The following CACNA1B variants were observed in gnomAD, a reference collection of about 807,000 sequenced individuals.
CACNA1B encodes the protein calcium voltage-gated channel subunit alpha1 B.
Under a neutral mutation model 247.2 loss-of-function variants are expected in CACNA1B, and 70 were observed. The ratio of observed to expected loss-of-function variants is 0.28; its 90% CI spans 0.23 to 0.35. The LOEUF is 0.35. Ranked by LOEUF, CACNA1B falls within the 10% of genes least tolerant of loss-of-function variation. The pLI, the probability that CACNA1B is intolerant of heterozygous loss-of-function variation, is 1.00. For synonymous variants in CACNA1B, 1,231 were observed against 1,294.4 expected (o/e 0.95, Z 1.05); for missense variants, 2,367 against 3,197.4 (o/e 0.74, Z 6.26).
chr9:137,893,507 C>T lies in CACNA1B; in HGVS notation c.530+10624C>T, dbSNP rs575883239. On this transcript the variant is annotated intron_variant, in intron 3 of 46. Coordinates refer to ENST00000371372, the MANE Select transcript of CACNA1B (RefSeq NM_000718.4). ...CTACTAAAAATACAAAAGAATGAGCCGGGCAAGGTGGCACGCGCCTGTAAT... is the reference window on the plus strand; with the variant it reads ...CTACTAAAAATACAAAAGAATGAGCTGGGCAAGGTGGCACGCGCCTGTAAT... Among the ~76,000 whole-genome samples, 394 of 151,484 alleles carry T rather than the reference C, an allele frequency of 2.6e-3. 2 individuals carry two copies. Among genetic ancestry groups the T allele is most frequent in the African/African-American group, 8.6e-3 (354 of 41,332 alleles).
intron 20 of CACNA1B, among the ~76,000 whole-genome samples, chr9:138,036,423 G>A (rs917746641): frequency 6.6e-6 from 1 of 152,248 alleles, no homozygotes; most frequent in African/African-American, 2.4e-5. Flanking sequence ...ACAGGCGTGA[G>A]CCACCGCTCC....
Position 137,955,684 on chromosome 9 carries a change from C to T in CACNA1B, c.1071-14C>T. On this transcript the variant is annotated splice_polypyrimidine_tract_variant and intron_variant, in intron 7 of 46. Transcript: ENST00000371372. The surrounding 1 kb of genome is among the most constrained non-coding windows in gnomAD (Gnocchi z 6.9). Reference sequence around the variant, plus strand: ...CACTCACCTGATCTTGCTTTTCCGGCCCCTGCATGGTAGGGAGTTTGCCAA... The same window carrying T: ...CACTCACCTGATCTTGCTTTTCCGGTCCCTGCATGGTAGGGAGTTTGCCAA... 1 of 1,583,852 alleles carries T rather than the reference C, an allele frequency of 6.3e-7. No individual in the cohort carries two copies. Among genetic ancestry groups the T allele is most frequent in the Non-Finnish European group, 8.7e-7 (1 of 1,155,910 alleles).
intron 42 of CACNA1B, 51 bp from the exon 43 acceptor site, chr9:138,117,895 G>A (rs1961927272): frequency 2.7e-6 from 4 of 1,458,204 alleles, no homozygotes; most frequent in African/African-American, 1.4e-5. Flanking sequence ...TATTGGTAAG[G>A]CACCTGCAGT....
chr9:138,105,537 C>T (rs1301036394), intron 38 of CACNA1B, among the ~76,000 whole-genome samples, 162 bp from the exon 39 acceptor site: 2 of 152,144 alleles, frequency 1.3e-5, no homozygotes, highest in Non-Finnish European at 2.9e-5. Flanking sequence ...AGTGTGAATG[C>T]TGGCAAAACT....
At chr9:138,068,110 CAAAG>C (rs1033834131) in intron 31 of CACNA1B, among the ~76,000 whole-genome samples, 1 of 152,108 alleles carries the variant, frequency 6.6e-6, no homozygotes, top group Non-Finnish European at 1.5e-5. Flanking sequence ...GTGCGCAAGT[CAAAG>C]AAGCCTGCGG....
At chr9:137,879,482 G>T (rs557399621) in intron 2 of CACNA1B, among the ~76,000 whole-genome samples, 2 of 152,352 alleles carry the variant, frequency 1.3e-5, no homozygotes, top group South Asian at 4.1e-4. Context: ...CTTGGGGTGG[G>T]GAAGGGGCAT....
At chr9:137,937,025 T>C (rs1014254384) in intron 6 of CACNA1B, among the ~76,000 whole-genome samples, 3 of 152,208 alleles carry the variant, frequency 2.0e-5, no homozygotes, top group Non-Finnish European at 4.4e-5. Flanking sequence ...GAGAAAGTCA[T>C]TGGTAGCTTG....
rs1437190241 is a variant in CACNA1B at position 138,121,909 on chromosome 9, G to A, written c.6930G>A (p.Val2310=). The stretch of plus-strand genomic sequence containing the variant: ...CCCAGTCTCACCCTCTCCGCCGCGT[G>A]CCCAACGGTTACCACTGCACCCTGG... ...LTSQSHPLRR[V]PNGYHCTLGL... is the part of the protein sequence containing the mutation. The change falls in exon 47 of 47, where the codon GTG becomes GTA. Residue 2310 remains valine, a synonymous_variant. Transcript: ENST00000371372. This position sits in a 1 kb window ranked among gnomAD's most constrained non-coding sequence, Gnocchi z 6.8. 2 of 1,611,608 alleles carry A rather than the reference G, an allele frequency of 1.2e-6. No homozygotes were observed. Among genetic ancestry groups the A allele is most frequent in the Non-Finnish European group, 1.7e-6 (2 of 1,179,860 alleles).
intron 3 of CACNA1B, among the ~76,000 whole-genome samples, chr9:137,900,495 C>T (rs1161661152): frequency 2.0e-5 from 3 of 150,566 alleles, no homozygotes; most frequent in Admixed American, 6.6e-5. Context: ...TACTGTGTGT[C>T]TCTGTGTCTG....
chr9:137,916,581 T>C (rs962735901), intron 5 of CACNA1B, among the ~76,000 whole-genome samples: 1 of 152,188 alleles, frequency 6.6e-6, no homozygotes, highest in African/African-American at 2.4e-5. Flanking sequence ...ACATGTTCGG[T>C]TGGTTCCAGA....
At chr9:138,030,501 T>A (rs2133449741) in intron 20 of CACNA1B, among the ~76,000 whole-genome samples, 1 of 152,258 alleles carries the variant, frequency 6.6e-6, no homozygotes, top group South Asian at 2.1e-4. Context: ...TGTTAAGGAG[T>A]TTTGCGTCTG....
In CACNA1B at chr9:138,115,816, T is replaced by A. The variant is rs1337020511; in HGVS notation, c.5777+137T>A. The A allele has an allele frequency of 7.1e-6, 6 of 848,640 alleles. No individual in the cohort carries two copies. The Admixed American group carries it at 1.4e-4, about 20-fold the overall frequency. 52.6% of individuals were successfully genotyped at this position (848,640 alleles called of 1,614,324 possible). On this transcript the variant is annotated intron_variant, in intron 42 of 46. Transcript: ENST00000371372. ...CTGGGTTCACCAGCTTGGAGGCACCTGAGGGGCGTGTCTGCCATCCGACCC... is the reference window on the plus strand; with the variant it reads ...CTGGGTTCACCAGCTTGGAGGCACCAGAGGGGCGTGTCTGCCATCCGACCC...
intron 15 of CACNA1B, among the ~76,000 whole-genome samples, chr9:138,002,692 A>T (rs1441932157): frequency 6.6e-6 from 1 of 152,048 alleles, no homozygotes; most frequent in Non-Finnish European, 1.5e-5. Context: ...ACAGAGCAAG[A>T]CCCAGTCTTT....
chr9:138,091,184 A>G (rs993315101), intron 36 of CACNA1B, among the ~76,000 whole-genome samples: 2 of 152,216 alleles, frequency 1.3e-5, no homozygotes, highest in African/African-American at 4.8e-5. Flanking sequence ...TTCCTTATAC[A>G]CAATGGAATA....
At chr9:138,022,635 C>T (rs1009095610) in intron 18 of CACNA1B, among the ~76,000 whole-genome samples, 4 of 152,204 alleles carry the variant, frequency 2.6e-5, no homozygotes, top group Admixed American at 6.5e-5. Context: ...CCGTCCTGCC[C>T]TTTGTAACAT....
At chr9:138,106,143 C>T (rs1022329350) in intron 39 of CACNA1B, among the ~76,000 whole-genome samples, 14 of 152,206 alleles carry the variant, frequency 9.2e-5, no homozygotes, top group African/African-American at 1.7e-4. Flanking sequence ...TCCCTGGGGA[C>T]GAGCCTGCAT....
Position 138,023,288 on chromosome 9 carries a change from C to A in CACNA1B, c.2545C>A (p.Arg849Ser). ...GGCCCCCGAGGGCGTCGACCCTCCG[C>A]GCAGGCACCACCGGCACCGCGACAA... is the stretch of plus-strand genomic sequence containing the variant. The part of the protein sequence containing the change: ...AEAPEGVDPP[R>S]RHHRHRDKDK... Residue 849 changes from arginine (R) to serine (S), a missense_variant, in exon 19 of 47, where the codon CGC becomes AGC. Physicochemically the swap from Arg to Ser is moderately radical, Grantham distance 110. Transcript: ENST00000371372. 6.6e-7 allele frequency: 1 copy of A among 1,516,136 alleles called. No individual in the cohort carries two copies. Among genetic ancestry groups the A allele is most frequent in the Non-Finnish European group, 8.8e-7 (1 of 1,140,150 alleles). The allele number at this position is 1,516,136 out of a possible 1,614,324, so 93.9% of individuals were successfully genotyped here. A position where few individuals can be genotyped will look rare whatever the true frequency, so the allele number is the denominator to read the frequency against.
intron 31 of CACNA1B, among the ~76,000 whole-genome samples, chr9:138,063,357 AG>A (rs1959801314): frequency 6.6e-6 from 1 of 152,196 alleles, no homozygotes; most frequent in Non-Finnish European, 1.5e-5. Context: ...AGCCAGGCAT[AG>A]TGGCACACGC....
chr9:138,106,325 C>T (rs534895540), intron 39 of CACNA1B, among the ~76,000 whole-genome samples: 5 of 152,324 alleles, frequency 3.3e-5, no homozygotes, highest in East Asian at 1.9e-4. Context: ...GCCCCAGCCC[C>T]ACCCCCCTGC....
Sources: allele counts gnomAD v4.1 joint callset (sites outside exome capture counted in the v4.1 genomes callset), GRCh38; gene constraint gnomAD v4.1.1; non-coding constraint Gnocchi (gnomAD v3.1); transcripts MANE v1.5; gene names NCBI Gene and HGNC (gene_info 2026-07-23, HGNC 2026-07-21).